The following TENM2 variants were observed in gnomAD, a reference collection of about 807,000 sequenced individuals.
The protein encoded by TENM2 is teneurin transmembrane protein 2.
A neutral mutation model predicts 245.2 loss-of-function variants in TENM2; 52 were observed. The observed-to-expected ratio is 0.21, with a 90% CI of 0.17 to 0.27. The LOEUF is 0.27. TENM2 is among the 10% of genes least tolerant of loss of function. The probability of loss-of-function intolerance (pLI) is 1.00; values close to 1 mark genes in which losing one functional copy is unlikely to be tolerated. For synonymous variants in TENM2, 1,363 were observed against 1,438.9 expected (o/e 0.95, Z 1.19); for missense variants, 3,046 against 3,666.8 (o/e 0.83, Z 4.37).
chr5:167,683,090 G>A (rs1235465294), intron 2 of TENM2, among the ~76,000 whole-genome samples: 1 of 152,142 alleles, frequency 6.6e-6, no homozygotes, highest in Non-Finnish European at 1.5e-5. Context: ...TATTGGACAT[G>A]TCTGTTACCA....
At chr5:168,254,834 G>T (rs1767501000) in intron 27 of TENM2, among the ~76,000 whole-genome samples, 1 of 152,156 alleles carries the variant, frequency 6.6e-6, no homozygotes, top group Non-Finnish European at 1.5e-5. Flanking sequence ...ATCACCTGAG[G>T]TCAGGAGTTC....
chr5:167,095,667 A>G, the TENM2 span, among the ~76,000 whole-genome samples: 30 of 152,276 alleles, frequency 2.0e-4, 1 homozygote, highest in South Asian at 5.0e-3. Context: ...AATAAAATCC[A>G]TAGATCTTAA....
chr5:167,199,365 C>G, the TENM2 span, among the ~76,000 whole-genome samples: 2 of 152,078 alleles, frequency 1.3e-5, no homozygotes, highest in African/African-American at 4.8e-5. Context: ...AACTGGCATT[C>G]TCATCTTTTT....
At chr5:167,188,961 C>T in the TENM2 span, among the ~76,000 whole-genome samples, 2 of 152,094 alleles carry the variant, frequency 1.3e-5, no homozygotes, top group Admixed American at 6.5e-5. Flanking sequence ...CCCAAAGGTC[C>T]GTGATGTTTT....
At chr5:168,144,248 T>C (rs996708688) in intron 12 of TENM2, among the ~76,000 whole-genome samples, 19 of 152,236 alleles carry the variant, frequency 1.2e-4, no homozygotes, top group African/African-American at 4.6e-4. Context: ...GTTACATATG[T>C]ATACATGTGG....
At chr5:167,076,156 T>C in the TENM2 span, among the ~76,000 whole-genome samples, 1 of 152,138 alleles carries the variant, frequency 6.6e-6, no homozygotes, top group Admixed American at 6.5e-5. Context: ...CTTAATGAAG[T>C]TGTGTATAGA....
chr5:167,411,164 A>G (rs1267425379), intron 2 of TENM2, among the ~76,000 whole-genome samples: 1 of 152,088 alleles, frequency 6.6e-6, no homozygotes, highest in East Asian at 1.9e-4. Flanking sequence ...TACATTATAT[A>G]AACTCCCTGA....
At chr5:168,207,617 T>C (rs1229382497) in intron 19 of TENM2, among the ~76,000 whole-genome samples, 1 of 152,118 alleles carries the variant, frequency 6.6e-6, no homozygotes, top group Admixed American at 6.5e-5. Flanking sequence ...CAATCCCCTC[T>C]CTTCAAAACA....
intron 2 of TENM2, among the ~76,000 whole-genome samples, chr5:167,580,577 G>A (rs954189818): frequency 9.9e-5 from 15 of 152,266 alleles, no homozygotes; most frequent in South Asian, 8.3e-4. Context: ...GAAAGAATAG[G>A]AAGTGGAGCT....
intron 3 of TENM2, among the ~76,000 whole-genome samples, chr5:167,909,709 A>G (rs1776401539): frequency 6.6e-6 from 1 of 152,234 alleles, no homozygotes; most frequent in Admixed American, 6.5e-5. Flanking sequence ...AGAGGACTGT[A>G]TTATCACCCA....
At chr5:167,274,811 T>C in the TENM2 span, among the ~76,000 whole-genome samples, 1 of 152,160 alleles carries the variant, frequency 6.6e-6, no homozygotes, top group East Asian at 1.9e-4. Flanking sequence ...TTCAGTGAAA[T>C]ATGACTCCAT....
intron 12 of TENM2, among the ~76,000 whole-genome samples, chr5:168,161,984 A>T (rs1287402934): frequency 2.0e-5 from 3 of 152,168 alleles, no homozygotes; most frequent in Non-Finnish European, 4.4e-5. Context: ...CGAATCCTGC[A>T]GTATTTTTAA....
chr5:167,560,634 C>G (rs770965531), intron 2 of TENM2, among the ~76,000 whole-genome samples: 3 of 152,128 alleles, frequency 2.0e-5, no homozygotes. Context: ...ATCATAATTG[C>G]TATCTCATAG....
At chr5:167,270,430 T>A in the TENM2 span, among the ~76,000 whole-genome samples, 1 of 152,154 alleles carries the variant, frequency 6.6e-6, no homozygotes, top group African/African-American at 2.4e-5. Flanking sequence ...CTGTTTGGCA[T>A]CCTCATAATG....
chr5:167,579,847 C>T lies in TENM2; in HGVS notation c.502+204374C>T, dbSNP rs141300863. Among the ~76,000 whole-genome samples the T allele has an allele frequency of 1.2e-4, 19 of 152,304 alleles. 1 individual carries two copies. Among genetic ancestry groups the T allele is most frequent in the Admixed American group, 5.9e-4 (9 of 15,296 alleles). ...TTCAGTCATATTACATCATGCATCACGATCGCGTGTGCTGTAAAGCTTTGT... is the reference window on the plus strand; with the variant it reads ...TTCAGTCATATTACATCATGCATCATGATCGCGTGTGCTGTAAAGCTTTGT... On this transcript the variant is annotated intron_variant, in intron 2 of 28. Transcript: ENST00000518659.
At chr5:167,440,070 A>T (rs1764794422) in intron 2 of TENM2, among the ~76,000 whole-genome samples, 1 of 152,076 alleles carries the variant, frequency 6.6e-6, no homozygotes, top group Non-Finnish European at 1.5e-5. Context: ...GACATAATTC[A>T]TTTGCAGTAA....
At chr5:167,765,875 A>G (rs1762985559) in intron 2 of TENM2, among the ~76,000 whole-genome samples, 2 of 152,034 alleles carry the variant, frequency 1.3e-5, no homozygotes, top group Admixed American at 6.5e-5. Context: ...ACAGGTCTAC[A>G]TTTTTCTGTA....
intron 2 of TENM2, among the ~76,000 whole-genome samples, chr5:167,441,911 TG>T (rs1444870702): frequency 3.3e-5 from 5 of 152,230 alleles, no homozygotes; most frequent in Non-Finnish European, 7.3e-5. Context: ...GCCTAGAATC[TG>T]GTGTCTTCTT....
At chr5:167,690,917 G>A (rs1429707344) in intron 2 of TENM2, among the ~76,000 whole-genome samples, 1 of 126,062 alleles carries the variant, frequency 7.9e-6, no homozygotes, top group African/African-American at 3.4e-5. Context: ...ATCCGTATAT[G>A]CGAGTATGTG....
Sources: gnomAD v4.1 joint callset for allele counts (sites outside exome capture counted in the v4.1 genomes callset) on GRCh38, gnomAD v4.1.1 for gene constraint, MANE v1.5 for transcripts, NCBI Gene and HGNC (gene_info 2026-07-23, HGNC 2026-07-21) for gene names.